Variants in FBXO42 observed in about 807,000 individuals in gnomAD.
The protein encoded by FBXO42 is F-box protein 42, also known as F-box only protein 42.
Under a neutral mutation model 71.7 loss-of-function variants are expected in FBXO42, and 12 were observed. The observed-to-expected ratio is 0.17, with a 90% CI of 0.11 to 0.27. The LOEUF is 0.27. Ranked by LOEUF, FBXO42 falls within the 10% of genes least tolerant of loss-of-function variation. FBXO42 has a pLI of 1.00. For synonymous variants in FBXO42, 325 were observed against 327.5 expected, an observed-to-expected ratio of 0.99 and a Z score of 0.08; for missense variants, 707 against 911.9, an observed-to-expected ratio of 0.78 and a Z score of 2.89.
intron 4 of FBXO42, among the ~76,000 whole-genome samples, chr1:16,257,927 C>T (rs1450191290): frequency 2.6e-5 from 4 of 152,164 alleles, no homozygotes; most frequent in African/African-American, 4.8e-5. Flanking sequence ...GTGATCTACC[C>T]GCTTTGGCCT....
At chr1:16,313,870 T>C (rs909967015) in intron 2 of FBXO42, among the ~76,000 whole-genome samples, 1 of 152,160 alleles carries the variant, frequency 6.6e-6, no homozygotes, top group African/African-American at 2.4e-5. Context: ...TAAGATGCAA[T>C]GAAGCCACTA....
At chr1:16,310,721 G>A (rs1164634773) in intron 2 of FBXO42, among the ~76,000 whole-genome samples, 4 of 151,964 alleles carry the variant, frequency 2.6e-5, no homozygotes, top group Non-Finnish European at 5.9e-5. Flanking sequence ...AGGGCCAGGC[G>A]CGGTGGCTCA....
In FBXO42 at chr1:16,270,348, C is replaced by A. The variant is rs79472087; in HGVS notation, c.503-13589G>T. Among the ~76,000 whole-genome samples, 898 of 152,304 alleles carry A rather than the reference C, an allele frequency of 5.9e-3. 7 individuals carry two copies. The highest frequency in any genetic ancestry group is 0.021 in the African/African-American group (863 of 41,558). ...ACATTCAAACCATGGCAAGCCCCAT[C>A]ACTTCCAGTGTCTCTGCTAGATGGA... On this transcript the variant is annotated intron_variant, in intron 4 of 9. Transcript: ENST00000375592.
At chr1:16,273,164 A>G (rs1427234806) in intron 4 of FBXO42, among the ~76,000 whole-genome samples, 1 of 152,214 alleles carries the variant, frequency 6.6e-6, no homozygotes, top group East Asian at 1.9e-4. Flanking sequence ...AAGGTAAGGC[A>G]ACTGGGGTTA....
chr1:16,255,598 A>ATGC (rs2081634189), intron 6 of FBXO42, 113 bp downstream of exon 6: 1 of 845,600 alleles, frequency 1.2e-6, no homozygotes, highest in Non-Finnish European at 1.8e-6. Flanking sequence ...GCCTCCCAAA[A>ATGC]TGCTGGGATT....
chr1:16,305,758 A>G (rs2082243521), intron 3 of FBXO42, 45 bp downstream of exon 3: 1 of 1,511,300 alleles, frequency 6.6e-7, no homozygotes, highest in South Asian at 1.1e-5. Flanking sequence ...TTCTGGAAAT[A>G]TGACCACAGG....
chr1:16,309,204 A>G (rs2082287142), intron 2 of FBXO42, among the ~76,000 whole-genome samples: 2 of 149,940 alleles, frequency 1.3e-5, no homozygotes, highest in Admixed American at 1.3e-4. Flanking sequence ...AGTAGCTGGG[A>G]TTACAGGCAC....
chr1:16,251,837 T>C lies in FBXO42; in HGVS notation c.1039-52A>G, dbSNP rs1379622894. On this transcript the variant is annotated intron_variant, in intron 9 of 9. Transcript: ENST00000375592. The surrounding 1 kb of genome is among the most constrained non-coding windows in gnomAD (Gnocchi z 4.5). ...ACTCTTCTATGATTCTGATTGTTCA[T>C]TCAACTGTCAAACATTTTATCATGA... The C allele has an allele frequency of 1.9e-6, 3 of 1,550,456 alleles. No homozygotes were observed. Among genetic ancestry groups the C allele is most frequent in the East Asian group, 2.3e-5 (1 of 44,246 alleles).
Position 16,301,988 on chromosome 1 carries a change from G to A in FBXO42, c.367+3815C>T, listed in dbSNP as rs77057589. Among the ~76,000 whole-genome samples the A allele has an allele frequency of 7.4e-3, 1,133 of 152,174 alleles. 10 individuals carry two copies. Among genetic ancestry groups the A allele is most frequent in the African/African-American group, 0.026 (1,078 of 41,510 alleles). On this transcript the variant is annotated intron_variant, in intron 3 of 9. Transcript: ENST00000375592. ...TCCATTTTTCAGACAAAGAAACTGTGGGTCAGACAAGCCAAGAAACTTGCT... is the reference window on the plus strand; with the variant it reads ...TCCATTTTTCAGACAAAGAAACTGTAGGTCAGACAAGCCAAGAAACTTGCT...
intron 1 of FBXO42, among the ~76,000 whole-genome samples, chr1:16,350,750 A>G (rs867140313): frequency 2.3e-4 from 29 of 127,850 alleles, no homozygotes; most frequent in Non-Finnish European, 4.3e-4. Flanking sequence ...CTGCAAAAAA[A>G]AAAAAAAAAA....
At chr1:16,347,897 G>A (rs573343853) in intron 1 of FBXO42, among the ~76,000 whole-genome samples, 1 of 151,690 alleles carries the variant, frequency 6.6e-6, no homozygotes, top group South Asian at 2.1e-4. Context: ...GCTGAGGCAG[G>A]AGAATGGCGT....
At chr1:16,308,005 T>A (rs762124476) in intron 2 of FBXO42, among the ~76,000 whole-genome samples, 4 of 152,134 alleles carry the variant, frequency 2.6e-5, no homozygotes, top group Non-Finnish European at 5.9e-5. Context: ...GAGAACAAAG[T>A]CAGAAGATTG....
chr1:16,333,944 T>C lies in FBXO42; in HGVS notation c.-18+18311A>G, dbSNP rs76703068. Among the ~76,000 whole-genome samples the C allele has an allele frequency of 3.3e-5, 5 of 152,264 alleles. No individual in the cohort carries two copies. The East Asian group carries it at 9.6e-4, about 29-fold the overall frequency. On this transcript the variant is annotated intron_variant, in intron 1 of 9. Coordinates refer to ENST00000375592, the MANE Select transcript of FBXO42 (RefSeq NM_018994.3). Reference sequence around the variant, plus strand: ...TAAATTTGCTATGATCTCAGGAAAATTGATTTTGCATACTGTATCAACTGT... The same window carrying C: ...TAAATTTGCTATGATCTCAGGAAAACTGATTTTGCATACTGTATCAACTGT...
rs774263525 is a variant in FBXO42 at position 16,253,210 on chromosome 1, A to G, written c.865-58T>C. On this transcript the variant is annotated intron_variant, in intron 7 of 9. Coordinates refer to ENST00000375592, the MANE Select transcript of FBXO42 (RefSeq NM_018994.3). ...CAAAGACACAGGTTTCTGACTTTCTATGCTTCACTGGTATATGAGAATAGC... is the reference window on the plus strand; with the variant it reads ...CAAAGACACAGGTTTCTGACTTTCTGTGCTTCACTGGTATATGAGAATAGC... 1.5e-5 allele frequency: 23 copies of G among 1,500,254 alleles called. No individual in the cohort carries two copies. In the Middle Eastern group the frequency reaches 5.1e-4, roughly 33 times the overall value. 92.9% of individuals were successfully genotyped at this position (1,500,254 alleles called of 1,614,324 possible).
chr1:16,319,253 G>C (rs985778260), intron 1 of FBXO42, among the ~76,000 whole-genome samples: 1 of 152,168 alleles, frequency 6.6e-6, no homozygotes, highest in East Asian at 1.9e-4. Context: ...GGAGAGCAGA[G>C]AACAGAAACC....
Position 16,252,153 on chromosome 1 carries a change from G to A in FBXO42, c.1038+135C>T, listed in dbSNP as rs891085689. 1 of 722,208 alleles carries A rather than the reference G, an allele frequency of 1.4e-6. No homozygotes were observed. Among genetic ancestry groups the A allele is most frequent in the African/African-American group, 1.8e-5 (1 of 56,922 alleles). 44.7% of individuals were successfully genotyped at this position (722,208 alleles called of 1,614,324 possible). A position where few individuals can be genotyped will look rare whatever the true frequency, so the allele number is the denominator to read the frequency against. On this transcript the variant is annotated intron_variant, in intron 9 of 9. Coordinates refer to ENST00000375592, the MANE Select transcript of FBXO42 (RefSeq NM_018994.3). The surrounding 1 kb of genome is among the most constrained non-coding windows in gnomAD (Gnocchi z 4.4). ...TAGTGAGAAATGCCAAAGGAGCTAT[G>A]GCTAATGTTCACCTCTTTTGTGACA... is the stretch of plus-strand genomic sequence containing the variant.
chr1:16,331,497 G>A (rs1038341824), intron 1 of FBXO42, among the ~76,000 whole-genome samples: 2 of 151,818 alleles, frequency 1.3e-5, no homozygotes, highest in Non-Finnish European at 2.9e-5. Context: ...GCTCATGCCT[G>A]TAATCCCAGC....
At chr1:16,324,758 G>A (rs1444330796) in intron 1 of FBXO42, among the ~76,000 whole-genome samples, 1 of 152,038 alleles carries the variant, frequency 6.6e-6, no homozygotes, top group East Asian at 1.9e-4. Flanking sequence ...AGATGCTGCA[G>A]TGAGCCAAGA....
intron 1 of FBXO42, among the ~76,000 whole-genome samples, chr1:16,319,228 A>G (rs2082393890): frequency 6.6e-6 from 1 of 152,216 alleles, no homozygotes; most frequent in East Asian, 1.9e-4. Context: ...AATGTTCCAA[A>G]AAGTGACAGA....
Sources: allele counts gnomAD v4.1 joint callset (sites outside exome capture counted in the v4.1 genomes callset), GRCh38; gene constraint gnomAD v4.1.1; non-coding constraint Gnocchi (gnomAD v3.1); transcripts MANE v1.5; gene names NCBI Gene and HGNC (gene_info 2026-07-23, HGNC 2026-07-21).